MALT1: variants seen among roughly 807,000 people sequenced by gnomAD.
MALT1 encodes mucosa-associated lymphoid tissue lymphoma translocation protein 1.
MALT1 carries 36 observed loss-of-function variants against 85.5 expected under a neutral mutation model. The observed-to-expected ratio is 0.42, with a 90% CI of 0.32 to 0.56. MALT1 has a LOEUF of 0.56. Ranked by LOEUF, MALT1 falls within the 20% of genes least tolerant of loss-of-function variation. The pLI is 0.10. For synonymous variants in MALT1, 359 were observed against 361.3 expected (o/e 0.99, Z 0.07); for missense variants, 716 against 981.6 (o/e 0.73, Z 3.62).
chr18:58,722,803 C>T (rs538236712), intron 9 of MALT1, among the ~76,000 whole-genome samples: 1 of 152,208 alleles, frequency 6.6e-6, no homozygotes, highest in East Asian at 1.9e-4. Flanking sequence ...TAATAAATAT[C>T]CTTTGCCTGG....
At chr18:58,682,367 T>C (rs999027778) in intron 2 of MALT1, among the ~76,000 whole-genome samples, 6 of 152,204 alleles carry the variant, frequency 3.9e-5, no homozygotes, top group African/African-American at 9.7e-5. Flanking sequence ...CTCCTTCTAA[T>C]TGAAAAGCTT....
In MALT1 at chr18:58,747,748, C is replaced by T; in HGVS notation, c.2381C>T (p.Ala794Val). The stretch of plus-strand genomic sequence containing the variant: ...TTTATTTCAAGTTTCGCTCACCATG[C>T]TTCATGTCATTTTAGTAGAAGTAAT... ...DAFISSFAHHASCHFSRSNVP... is the reference protein window; with the variant it reads ...DAFISSFAHHVSCHFSRSNVP... The change falls in exon 17 of 17, where the codon GCT becomes GTT. Residue 794 changes from alanine to valine, a missense_variant. Transcript: ENST00000649217. 6.2e-7 allele frequency: 1 copy of T among 1,614,078 alleles called. No individual in the cohort carries two copies. Among genetic ancestry groups the T allele is most frequent in the Non-Finnish European group, 8.5e-7 (1 of 1,179,932 alleles).
At chr18:58,740,396 T>TC (rs35557982) in intron 13 of MALT1, among the ~76,000 whole-genome samples, 111,648 of 151,906 alleles carry the variant, frequency 0.73, 41,260 homozygotes, top group African/African-American at 0.81. Context: ...TCATCGTAGT[T>TC]ATTCACTTTT....
rs1227403253 is a variant in MALT1, at chr18:58,750,050, G to C, written c.*2208G>C. On this transcript the variant is annotated 3_prime_UTR_variant, in exon 17 of 17. Transcript: ENST00000649217. ...AAAAGAGGTTTATACTGCAAAAGAA[G>C]TGAAACTATATGTATTCACAGTTGA... 1 of 194,422 alleles carries C rather than the reference G, an allele frequency of 5.1e-6. No individual in the cohort carries two copies. Among genetic ancestry groups the C allele is most frequent in the East Asian group, 8.1e-5 (1 of 12,322 alleles). 12.0% of individuals were successfully genotyped at this position (194,422 alleles called of 1,614,324 possible). A position where few individuals can be genotyped will look rare whatever the true frequency, so the allele number is the denominator to read the frequency against.
intron 10 of MALT1, 92 bp downstream of exon 10, chr18:58,723,343 G>A: frequency 1.1e-6 from 1 of 875,060 alleles, no homozygotes; most frequent in Non-Finnish European, 1.7e-6. Flanking sequence ...ATAAAGATAA[G>A]GTAAACATGT....
chr18:58,695,296 G>A (rs2054571552), intron 2 of MALT1, among the ~76,000 whole-genome samples: 1 of 152,196 alleles, frequency 6.6e-6, no homozygotes, highest in South Asian at 2.1e-4. Flanking sequence ...TACCTGAATG[G>A]CCTCCTGCCA....
chr18:58,686,485 G>C (rs189842019), intron 2 of MALT1, among the ~76,000 whole-genome samples: 1 of 152,342 alleles, frequency 6.6e-6, no homozygotes, highest in East Asian at 1.9e-4. Context: ...TGTTTAGAGA[G>C]AACTAGCATT....
chr18:58,733,714 A>C, intron 11 of MALT1, 140 bp downstream of exon 11: 1 of 783,650 alleles, frequency 1.3e-6, no homozygotes, highest in Non-Finnish European at 2.0e-6. Context: ...ACAAAACTAG[A>C]GGAAAATACA....
At chr18:58,726,175 A>G (rs187899984) in intron 10 of MALT1, among the ~76,000 whole-genome samples, 283 of 152,328 alleles carry the variant, frequency 1.9e-3, no homozygotes, top group Admixed American at 4.2e-3. Flanking sequence ...TAAAAACGTC[A>G]TCTTGGAGTA....
chr18:58,676,211 G>A (rs1224156267), intron 1 of MALT1, among the ~76,000 whole-genome samples: 2 of 152,148 alleles, frequency 1.3e-5, no homozygotes, highest in Admixed American at 1.3e-4. Flanking sequence ...CATCACATCA[G>A]GTCTTATTCC....
intron 9 of MALT1, among the ~76,000 whole-genome samples, chr18:58,722,443 A>G (rs2054997841): frequency 6.6e-6 from 1 of 152,250 alleles, no homozygotes; most frequent in African/African-American, 2.4e-5. Context: ...CCCCTGAAAT[A>G]GCCTCATCTG....
chr18:58,691,290 G>A lies in MALT1; in HGVS notation c.377-5076G>A, dbSNP rs572681773. The A allele has an allele frequency of 4.3e-4, 262 of 603,938 alleles. 3 individuals carry two copies. The Admixed American group carries it at 4.6e-3, about 11-fold the overall frequency. 37.4% of individuals were successfully genotyped at this position (603,938 alleles called of 1,614,324 possible). On this transcript the variant is annotated intron_variant, in intron 2 of 16. Coordinates refer to ENST00000649217, the MANE Select transcript of MALT1 (RefSeq NM_006785.4). The stretch of plus-strand genomic sequence containing the variant: ...TATCCTGCACTTCCTGGAGAAAGCC[G>A]ATTTGCAACCACATAGCCTTCAACC...
In MALT1 at chr18:58,747,752, A is replaced by G. The variant is rs2144495406; in HGVS notation, c.2385A>G (p.Ser795=). The change falls in exon 17 of 17, where the codon TCA becomes TCG. Residue 795 remains serine, a synonymous_variant. Transcript: ENST00000649217. ...TTTCAAGTTTCGCTCACCATGCTTC[A>G]TGTCATTTTAGTAGAAGTAATGTGC... The part of the protein sequence containing the change: ...AFISSFAHHA[S]CHFSRSNVPV... 8 of 1,614,168 alleles carry G rather than the reference A, an allele frequency of 5.0e-6. No homozygotes were observed. Among genetic ancestry groups the G allele is most frequent in the East Asian group, 2.2e-5 (1 of 44,888 alleles).
At chr18:58,684,281 G>C (rs2054365248) in intron 2 of MALT1, among the ~76,000 whole-genome samples, 1 of 151,964 alleles carries the variant, frequency 6.6e-6, no homozygotes, top group East Asian at 1.9e-4. Context: ...TGTCATGTTA[G>C]CCGTATAATA....
chr18:58,672,701 A>G (rs2054182992), intron 1 of MALT1: 1 of 152,250 alleles, frequency 6.6e-6, no homozygotes, highest in South Asian at 2.1e-4. Flanking sequence ...AAATTTTCCA[A>G]AACAAAAAAG....
intron 10 of MALT1, among the ~76,000 whole-genome samples, chr18:58,725,570 A>G (rs964036674): frequency 2.6e-5 from 4 of 152,220 alleles, no homozygotes; most frequent in African/African-American, 9.6e-5. Context: ...ACGTGACATA[A>G]AAAGGAAAAG....
At chr18:58,677,857 AAATATAGTG>A (rs1439094874) in intron 1 of MALT1, among the ~76,000 whole-genome samples, 2 of 152,214 alleles carry the variant, frequency 1.3e-5, no homozygotes, top group Admixed American at 1.3e-4. Flanking sequence ...AATACCTAGT[AAATATAGTG>A]ATCACAGGAG....
chr18:58,741,407 A>T (rs958441850), intron 13 of MALT1: 4 of 152,174 alleles, frequency 2.6e-5, no homozygotes, highest in Non-Finnish European at 5.9e-5. Flanking sequence ...ATGTTGATTT[A>T]ACTTAGACTT....
rs765186001 is a variant in MALT1 at position 58,709,538 on chromosome 18, G to A, written c.810G>A (p.Glu270=). 3.1e-6 allele frequency: 5 copies of A among 1,605,866 alleles called. No individual in the cohort carries two copies. The highest frequency in any genetic ancestry group is 4.2e-6 in the Non-Finnish European group (5 of 1,177,336). Reference sequence around the variant, plus strand: ...AAAATGAATTACCATTAACACATGAGACCAAAAAGCTATACATGGTAGGAA... The same window carrying A: ...AAAATGAATTACCATTAACACATGAAACCAAAAAGCTATACATGGTAGGAA... The part of the protein sequence containing the change: ...WFKNELPLTH[E]TKKLYMVPYV... The change falls in exon 5 of 17, where the codon GAG becomes GAA. Residue 270 remains glutamate, a synonymous_variant. Coordinates refer to ENST00000649217, the MANE Select transcript of MALT1 (RefSeq NM_006785.4).
Sources: gnomAD v4.1 joint callset for allele counts (sites outside exome capture counted in the v4.1 genomes callset) on GRCh38, gnomAD v4.1.1 for gene constraint, MANE v1.5 for transcripts, NCBI Gene and HGNC (gene_info 2026-07-23, HGNC 2026-07-21) for gene names.